EYA4: variants seen among roughly 807,000 people sequenced by gnomAD.
The protein encoded by EYA4 is EYA transcriptional coactivator and phosphatase 4.
Under a neutral mutation model 87.9 loss-of-function variants are expected in EYA4, and 31 were observed. The ratio of observed to expected loss-of-function variants is 0.35; its 90% CI spans 0.27 to 0.48. The LOEUF (loss-of-function observed/expected upper bound fraction) is 0.48, where lower values mean the gene tolerates loss of function less well. Among genes scored for constraint, EYA4 ranks in the 20% least tolerant of loss-of-function variants. EYA4 has a pLI of 0.99. For missense variants in EYA4, 678 were observed against 761.4 expected (o/e 0.89, Z 1.29); for synonymous variants, 263 against 270.6 (o/e 0.97, Z 0.28).
chr6:133,428,777 C>T (rs921918499), intron 3 of EYA4, among the ~76,000 whole-genome samples: 1 of 152,072 alleles, frequency 6.6e-6, no homozygotes, highest in Non-Finnish European at 1.5e-5. Flanking sequence ...GAGGAACTTA[C>T]CCCCAAGTCT....
At chr6:133,398,267 C>G (rs140478997) in intron 3 of EYA4, among the ~76,000 whole-genome samples, 2 of 152,054 alleles carry the variant, frequency 1.3e-5, no homozygotes, top group African/African-American at 4.8e-5. Flanking sequence ...CATGTGTATG[C>G]TAGGGGTGAG....
chr6:133,364,483 C>T (rs933452896), intron 2 of EYA4, among the ~76,000 whole-genome samples: 2 of 152,156 alleles, frequency 1.3e-5, no homozygotes, highest in African/African-American at 4.8e-5. Flanking sequence ...CTTCTGATAT[C>T]GAGGTGACTG....
At chr6:133,264,948 G>A (rs190535158) in intron 1 of EYA4, among the ~76,000 whole-genome samples, 3 of 152,178 alleles carry the variant, frequency 2.0e-5, no homozygotes, top group Admixed American at 2.0e-4. Context: ...CAGAGGATTA[G>A]GTGTACTTCT....
intron 1 of EYA4, among the ~76,000 whole-genome samples, chr6:133,254,229 G>A (rs9375948): frequency 0.26 from 39,599 of 151,998 alleles, 6,177 homozygotes; most frequent in African/African-American, 0.44. Flanking sequence ...TCCAGAAACA[G>A]ACCTTGATCT....
chr6:133,255,492 C>A (rs1005372886), intron 1 of EYA4, among the ~76,000 whole-genome samples: 2 of 151,918 alleles, frequency 1.3e-5, no homozygotes, highest in Non-Finnish European at 2.9e-5. Context: ...GTTATACTTT[C>A]TTAAAAAGTT....
At chr6:133,343,629 C>T (rs4895961) in intron 2 of EYA4, among the ~76,000 whole-genome samples, 90,476 of 143,200 alleles carry the variant, frequency 0.63, 29,149 homozygotes, top group African/African-American at 0.79. Context: ...GACTGTTTTT[C>T]GGCGTCCTTA....
chr6:133,336,945 A>G (rs1028388954), intron 2 of EYA4, among the ~76,000 whole-genome samples: 3 of 149,656 alleles, frequency 2.0e-5, no homozygotes, highest in African/African-American at 4.9e-5. Context: ...GCTTCACCCT[A>G]TGCATCTGGC....
At chr6:133,356,057 AAG>A (rs35204258) in intron 2 of EYA4, among the ~76,000 whole-genome samples, 53,471 of 135,234 alleles carry the variant, frequency 0.4, 11,077 homozygotes, top group African/African-American at 0.65. Flanking sequence ...GAAAGAGAGA[AAG>A]AGAGAGAGAG....
At chr6:133,481,268 T>G (rs1465612639) in intron 11 of EYA4, among the ~76,000 whole-genome samples, 195 bp from the exon 12 acceptor site, 1 of 152,196 alleles carries the variant, frequency 6.6e-6, no homozygotes, top group East Asian at 1.9e-4. Context: ...ATAGATCACA[T>G]AGATTACAAC....
chr6:133,269,211 A>T (rs1252842672), intron 1 of EYA4, among the ~76,000 whole-genome samples: 1 of 152,162 alleles, frequency 6.6e-6, no homozygotes, highest in Non-Finnish European at 1.5e-5. Context: ...GTGAGCTGAG[A>T]TTATGCCACT....
At chr6:133,494,880 G>A (rs138088238) in intron 13 of EYA4, among the ~76,000 whole-genome samples, 73 of 152,004 alleles carry the variant, frequency 4.8e-4, no homozygotes, top group African/African-American at 1.8e-3. Flanking sequence ...GAGTTTAATT[G>A]GATTGTCTGT....
At chr6:133,361,647 C>T (rs1784458265) in intron 2 of EYA4, among the ~76,000 whole-genome samples, 2 of 152,110 alleles carry the variant, frequency 1.3e-5, no homozygotes, top group Non-Finnish European at 1.5e-5. Flanking sequence ...ACATAAGTTT[C>T]TGGAAGAGAA....
intron 2 of EYA4, among the ~76,000 whole-genome samples, chr6:133,324,330 T>G (rs970532892): frequency 3.3e-5 from 5 of 152,140 alleles, no homozygotes; most frequent in African/African-American, 7.2e-5. Context: ...CCATTTAAGC[T>G]CCTGTAATTT....
chr6:133,306,082 G>A (rs1308606672), intron 2 of EYA4, among the ~76,000 whole-genome samples: 1 of 152,144 alleles, frequency 6.6e-6, no homozygotes, highest in Non-Finnish European at 1.5e-5. Flanking sequence ...GGTTTTAATG[G>A]TGTTGCAAGA....
intron 2 of EYA4, among the ~76,000 whole-genome samples, chr6:133,376,790 G>GA (rs1394117375): frequency 6.6e-6 from 1 of 151,906 alleles, no homozygotes; most frequent in Admixed American, 6.6e-5. Flanking sequence ...TCCAGATATT[G>GA]AAAGTATTAA....
chr6:133,519,166 TAG>T (rs1468871464), intron 17 of EYA4, among the ~76,000 whole-genome samples: 1 of 149,928 alleles, frequency 6.7e-6, no homozygotes, highest in Non-Finnish European at 1.5e-5. Flanking sequence ...CTGAAGGAAA[TAG>T]AGACACAAAA....
intron 17 of EYA4, among the ~76,000 whole-genome samples, 157 bp downstream of exon 17, chr6:133,515,592 TGAGAGA>T (rs72138737): frequency 1.6e-4 from 24 of 146,200 alleles, no homozygotes; most frequent in African/African-American, 6.2e-4. Context: ...TGCATGTGCA[TGAGAGA>T]GAGAGAGAGA....
At chr6:133,370,025 TCTC>T (rs2128461789) in intron 2 of EYA4, among the ~76,000 whole-genome samples, 1 of 152,308 alleles carries the variant, frequency 6.6e-6, no homozygotes, top group South Asian at 2.1e-4. Context: ...ACTATCCAGG[TCTC>T]CTCCTATTTA....
At chr6:133,326,883 C>T (rs1312092155) in intron 2 of EYA4, among the ~76,000 whole-genome samples, 1 of 152,108 alleles carries the variant, frequency 6.6e-6, no homozygotes, top group East Asian at 1.9e-4. Flanking sequence ...TTACTAGGCT[C>T]TCAGAACTGG....
Sources: gnomAD v4.1 joint callset for allele counts (sites outside exome capture counted in the v4.1 genomes callset) on GRCh38, gnomAD v4.1.1 for gene constraint, MANE v1.5 for transcripts, NCBI Gene and HGNC (gene_info 2026-07-23, HGNC 2026-07-21) for gene names.